The following SPPL2B variants were observed in gnomAD, a reference collection of about 807,000 sequenced individuals.
SPPL2B encodes the protein signal peptide peptidase like 2B, also known as signal peptide peptidase-like 2B.
In SPPL2B, 39 loss-of-function variants were observed where a neutral mutation model predicts 59.7. The observed-to-expected ratio is 0.65, with a 90% CI of 0.51 to 0.85. The LOEUF (loss-of-function observed/expected upper bound fraction) is 0.85. Ranked by LOEUF, SPPL2B falls within the 40% of genes least tolerant of loss-of-function variation. SPPL2B has a pLI of 0.00. For synonymous variants in SPPL2B, 419 were observed against 370.8 expected (o/e 1.13, Z -1.49); for missense variants, 865 against 849.0 (o/e 1.02, Z -0.23).
At chr19:2,330,029 G>A (rs893930483) in intron 1 of SPPL2B, among the ~76,000 whole-genome samples, 12 of 152,136 alleles carry the variant, frequency 7.9e-5, no homozygotes, top group Non-Finnish European at 1.6e-4. Flanking sequence ...GAAGGAGGGG[G>A]AAAGCCAGAG....
At chr19:2,350,716 C>T (rs1331630270) in intron 13 of SPPL2B, among the ~76,000 whole-genome samples, 4 of 152,256 alleles carry the variant, frequency 2.6e-5, no homozygotes, top group South Asian at 2.1e-4. Flanking sequence ...GGCGACATCA[C>T]GTTTGCGTTT....
intron 1 of SPPL2B, chr19:2,330,432 AATG>A (rs1359896187): frequency 1.3e-5 from 2 of 152,292 alleles, no homozygotes; most frequent in Non-Finnish European, 2.9e-5. Flanking sequence ...AGGTGTTCTG[AATG>A]ATGAGTAGGA....
rs1200375780 is a variant in SPPL2B at position 2,340,189 on chromosome 19, G to C, written c.839+17G>C. 1 of 1,532,742 alleles carries C rather than the reference G, an allele frequency of 6.5e-7. No homozygotes were observed. The highest frequency in any genetic ancestry group is 1.2e-5 in the South Asian group (1 of 81,936). 94.9% of individuals were successfully genotyped at this position (1,532,742 alleles called of 1,614,324 possible). On this transcript the variant is annotated intron_variant, in intron 7 of 14. Transcript: ENST00000613503. The stretch of plus-strand genomic sequence containing the variant: ...CAAGTGCAGGTGAGTCTGCCCTGCT[G>C]GCCCCGACGTGCCTGACTCTGTGCG...
At chr19:2,349,717 C>G (rs1009911864) in intron 13 of SPPL2B, among the ~76,000 whole-genome samples, 6 of 141,750 alleles carry the variant, frequency 4.2e-5, no homozygotes, top group East Asian at 2.0e-4. Context: ...CACTCGTGTT[C>G]TCATTCGCTT....
intron 1 of SPPL2B, 54 bp downstream of exon 1, chr19:2,328,829 C>G: frequency 2.3e-6 from 3 of 1,316,082 alleles, no homozygotes; most frequent in South Asian, 2.0e-5. Context: ...TTCGGCCTCT[C>G]TGTCCCCGGG....
chr19:2,347,231 GCT>G (rs1969443774), intron 13 of SPPL2B, among the ~76,000 whole-genome samples: 1 of 92,560 alleles, frequency 1.1e-5, no homozygotes, highest in African/African-American at 4.2e-5. Flanking sequence ...ACACTCACGC[GCT>G]CTCATTCGCT....
Position 2,339,217 on chromosome 19 carries a change from C to G in SPPL2B, c.599+9C>G, listed in dbSNP as rs376613554. The G allele has an allele frequency of 6.2e-7, 1 of 1,601,078 alleles. No individual in the cohort carries two copies. The highest frequency in any genetic ancestry group is 8.5e-7 in the Non-Finnish European group (1 of 1,174,434). ...AGTCGGGACGTGAAGAAGTGAGTTTCGCATCGTGCGTGTGCTGTGACGGGG... is the reference window on the plus strand; with the variant it reads ...AGTCGGGACGTGAAGAAGTGAGTTTGGCATCGTGCGTGTGCTGTGACGGGG... On this transcript the variant is annotated intron_variant, in intron 5 of 14. Transcript: ENST00000613503.
At chr19:2,337,306 G>T in intron 2 of SPPL2B, 137 bp from the exon 3 acceptor site, 1 of 784,612 alleles carries the variant, frequency 1.3e-6, no homozygotes. Context: ...GCTCTGCCTA[G>T]GTGGGCCGAG....
chr19:2,346,720 G>T (rs73522315), intron 13 of SPPL2B, among the ~76,000 whole-genome samples: 1,645 of 152,256 alleles, frequency 0.011, 30 homozygotes, highest in African/African-American at 0.037. Context: ...GCAGAGATTT[G>T]TCTCTCCTGA....
At chr19:2,341,186 G>A (rs1183578087) in intron 8 of SPPL2B, 172 bp downstream of exon 8, 12 of 695,558 alleles carry the variant, frequency 1.7e-5, no homozygotes, top group South Asian at 3.0e-5. Flanking sequence ...CTGCGAGGGC[G>A]TTTCACCTGG....
chr19:2,346,940 G>T (rs2145188030), intron 13 of SPPL2B, among the ~76,000 whole-genome samples: 1 of 152,280 alleles, frequency 6.6e-6, no homozygotes, highest in East Asian at 1.9e-4. Flanking sequence ...CGGGAGCAGT[G>T]TGCTTGCTGG....
At chr19:2,335,697 G>T (rs184048699) in intron 2 of SPPL2B, among the ~76,000 whole-genome samples, 7 of 145,574 alleles carry the variant, frequency 4.8e-5, no homozygotes, top group Admixed American at 4.8e-4. Context: ...TATCCCTCAG[G>T]CCCTCTCTCC....
intron 1 of SPPL2B, among the ~76,000 whole-genome samples, chr19:2,334,266 T>C (rs1374793657): frequency 6.6e-6 from 1 of 152,152 alleles, no homozygotes; most frequent in African/African-American, 2.4e-5. Context: ...GCTGTCATTC[T>C]CCCACCGTGC....
intron 5 of SPPL2B, 162 bp from the exon 6 acceptor site, chr19:2,339,662 C>T (rs77470269): frequency 0.11 from 85,084 of 775,208 alleles, 5,587 homozygotes; most frequent in African/African-American, 0.18. Context: ...GTGGTCTCCT[C>T]TGCCCTGGGG....
At chr19:2,344,866 C>T (rs1190556849) in intron 12 of SPPL2B, among the ~76,000 whole-genome samples, 2 of 152,206 alleles carry the variant, frequency 1.3e-5, no homozygotes, top group East Asian at 1.9e-4. Flanking sequence ...TCCTAGGGAG[C>T]GGGGAAGGCC....
In SPPL2B at chr19:2,351,702, G is replaced by C. The variant is rs1969934311; in HGVS notation, c.1515+108G>C. ...CACAGCCAGCCCTGCGGCCGCGACG[G>C]GGCTCAGGGTCCTGGTACCTTCTGC... On this transcript the variant is annotated intron_variant, in intron 14 of 14. Coordinates refer to ENST00000613503, the MANE Select transcript of SPPL2B (RefSeq NM_152988.3). 4 of 1,446,534 alleles carry C rather than the reference G, an allele frequency of 2.8e-6. No homozygotes were observed. The South Asian group carries it at 3.9e-5, about 14-fold the overall frequency. The allele number at this position is 1,446,534 out of a possible 1,614,324, so 89.6% of individuals were successfully genotyped here. A position where few individuals can be genotyped will look rare whatever the true frequency, so the allele number is the denominator to read the frequency against.
chr19:2,335,873 C>A (rs34070908), intron 2 of SPPL2B, among the ~76,000 whole-genome samples: 1 of 152,118 alleles, frequency 6.6e-6, no homozygotes, highest in Non-Finnish European at 1.5e-5. Flanking sequence ...CGTGTGAGCA[C>A]GTGTGTAATC....
In SPPL2B at chr19:2,353,117, G is replaced by C. The variant is rs576290489; in HGVS notation, c.1687G>C (p.Ala563Pro). 8.7e-6 allele frequency: 14 copies of C among 1,610,626 alleles called. No individual in the cohort carries two copies. The African/African-American group carries it at 1.5e-4, about 17-fold the overall frequency. The change falls in exon 15 of 15, where the codon GCC becomes CCC. Residue 563 changes from alanine to proline, a missense_variant. By Grantham distance (27) the Ala-to-Pro change is conservative. Transcript: ENST00000613503. ...SRTSEEMGAG[A>P]PMREPGSPAE... ...CACGTCCGAGGAGATGGGGGCTGGA[G>C]CCCCCATGCGGGAGCCTGGGAGCCC...
chr19:2,353,930 A>T lies in SPPL2B; in HGVS notation c.*721A>T, dbSNP rs1462496837. 6.6e-6 allele frequency: 1 copy of T among 152,372 alleles called. No homozygotes were observed. The highest frequency in any genetic ancestry group is 2.4e-5 in the African/African-American group (1 of 41,468). 9.4% of individuals were successfully genotyped at this position (152,372 alleles called of 1,614,324 possible). A position where few individuals can be genotyped will look rare whatever the true frequency, so the allele number is the denominator to read the frequency against. On this transcript the variant is annotated 3_prime_UTR_variant, in exon 15 of 15. Transcript: ENST00000613503. ...ATTTTAATAAATGGTCGCAACTTCT[A>T]GAAGTCCTGCTGGTGCCACCTGGTG...
Sources: allele counts gnomAD v4.1 joint callset (sites outside exome capture counted in the v4.1 genomes callset), GRCh38; gene constraint gnomAD v4.1.1; transcripts MANE v1.5; gene names NCBI Gene and HGNC (gene_info 2026-07-23, HGNC 2026-07-21).